The following GALNT13 variants were observed in gnomAD, a reference collection of about 807,000 sequenced individuals.
GALNT13 encodes the protein UDP-GalNAc:polypeptide N-acetylgalactosaminyltransferase 13.
A neutral mutation model predicts 64.2 loss-of-function variants in GALNT13; 28 were observed. The ratio of observed to expected loss-of-function variants is 0.44; its 90% confidence interval spans 0.32 to 0.60. The LOEUF is 0.60. Ranked by LOEUF, GALNT13 falls within the 20% of genes least tolerant of loss-of-function variation. The probability of loss-of-function intolerance (pLI) is 0.05; values close to 1 mark genes in which losing one functional copy is unlikely to be tolerated. For synonymous variants in GALNT13, 214 were observed against 224.6 expected, an observed-to-expected ratio of 0.95 and a Z score of 0.42; for missense variants, 577 against 669.8, an observed-to-expected ratio of 0.86 and a Z score of 1.53.
chr2:153,648,623 A>G, the GALNT13 span, among the ~76,000 whole-genome samples: 1 of 152,114 alleles, frequency 6.6e-6, no homozygotes, highest in African/African-American at 2.4e-5. Context: ...AGCTCTTATG[A>G]TTTTGAGATA....
the GALNT13 span, among the ~76,000 whole-genome samples, chr2:153,076,714 G>T: frequency 6.6e-6 from 1 of 151,560 alleles, no homozygotes. Context: ...ATTTTTTTGG[G>T]CTACTTCTCA....
the GALNT13 span, among the ~76,000 whole-genome samples, chr2:153,688,994 GTGTGTGTGTGTGT>G: frequency 2.1e-3 from 45 of 21,636 alleles, no homozygotes; most frequent in African/African-American, 5.6e-3. Context: ...AGGTAGGGGT[GTGTGTGTGTGTGT>G]GTGTGTGTGT....
chr2:153,863,520 G>C, the GALNT13 span, among the ~76,000 whole-genome samples: 5 of 152,070 alleles, frequency 3.3e-5, no homozygotes, highest in African/African-American at 1.2e-4. Context: ...GCATATAAGA[G>C]GGAGATATTT....
intron 3 of GALNT13, among the ~76,000 whole-genome samples, chr2:154,030,977 G>A (rs1239955787): frequency 6.6e-6 from 1 of 152,042 alleles, no homozygotes; most frequent in Non-Finnish European, 1.5e-5. Context: ...GAAGTGAAGG[G>A]CGCTGAAAAT....
chr2:153,576,338 T>C, the GALNT13 span, among the ~76,000 whole-genome samples: 1 of 152,148 alleles, frequency 6.6e-6, no homozygotes, highest in Non-Finnish European at 1.5e-5. Context: ...ACCTAAGAGC[T>C]ACAGTCCTTC....
the GALNT13 span, among the ~76,000 whole-genome samples, chr2:153,181,370 T>A: frequency 1.3e-5 from 2 of 150,514 alleles, no homozygotes; most frequent in Non-Finnish European, 3.0e-5. Flanking sequence ...AAAAAAAAGG[T>A]ACTTGATATA....
chr2:154,024,029 C>A (rs1574356642), intron 3 of GALNT13, among the ~76,000 whole-genome samples: 1 of 151,460 alleles, frequency 6.6e-6, no homozygotes, highest in Non-Finnish European at 1.5e-5. Context: ...GGTCCCCACT[C>A]TCTTCTGGCT....
the GALNT13 span, among the ~76,000 whole-genome samples, chr2:153,659,464 A>G: frequency 6.6e-6 from 1 of 152,158 alleles, no homozygotes. Context: ...TTGCCTATCT[A>G]AATTCTTCCT....
At chr2:153,608,926 T>TTC in the GALNT13 span, among the ~76,000 whole-genome samples, 1 of 147,592 alleles carries the variant, frequency 6.8e-6, no homozygotes, top group Non-Finnish European at 1.5e-5. Context: ...TCTTTTTTTT[T>TTC]TTTTTTTGGA....
the GALNT13 span, among the ~76,000 whole-genome samples, chr2:153,086,074 G>A: frequency 6.6e-6 from 1 of 152,150 alleles, no homozygotes; most frequent in Non-Finnish European, 1.5e-5. Flanking sequence ...CTTTCATGGG[G>A]TCTGTAGCCC....
chr2:154,163,035 G>A (rs1165648766), intron 4 of GALNT13, among the ~76,000 whole-genome samples: 2 of 150,832 alleles, frequency 1.3e-5, no homozygotes, highest in Non-Finnish European at 3.0e-5. Context: ...ACAATGTGCA[G>A]GTTAGTTACA....
chr2:154,184,513 A>T (rs571642230), intron 4 of GALNT13, among the ~76,000 whole-genome samples: 2 of 151,326 alleles, frequency 1.3e-5, no homozygotes, highest in Middle Eastern at 3.4e-3. Context: ...TTTCATAGTG[A>T]TATACTTTGT....
the GALNT13 span, among the ~76,000 whole-genome samples, chr2:153,572,115 C>G: frequency 9.9e-5 from 15 of 151,746 alleles, no homozygotes; most frequent in South Asian, 1.7e-3. Flanking sequence ...TCCCTTCGAT[C>G]TCATTACTAG....
At chr2:153,832,334 C>T in the GALNT13 span, among the ~76,000 whole-genome samples, 1 of 152,022 alleles carries the variant, frequency 6.6e-6, no homozygotes, top group African/African-American at 2.4e-5. Context: ...TCTGTGAAGG[C>T]ATAAAATAGA....
chr2:154,431,566 T>C (rs890688393), intron 11 of GALNT13, among the ~76,000 whole-genome samples: 2 of 152,232 alleles, frequency 1.3e-5, no homozygotes, highest in African/African-American at 4.8e-5. Context: ...TTGTAAAATG[T>C]CTTTGGACAT....
chr2:153,685,446 G>T, the GALNT13 span, among the ~76,000 whole-genome samples: 1 of 151,896 alleles, frequency 6.6e-6, no homozygotes, highest in South Asian at 2.1e-4. Context: ...TATGATTGTT[G>T]GCCACATGTA....
At chr2:154,312,071 T>G (rs1187578814) in intron 9 of GALNT13, among the ~76,000 whole-genome samples, 1 of 152,150 alleles carries the variant, frequency 6.6e-6, no homozygotes, top group African/African-American at 2.4e-5. Context: ...CCTTCTCGGC[T>G]GACAGGATTA....
intron 3 of GALNT13, among the ~76,000 whole-genome samples, chr2:153,972,326 G>T (rs1160703685): frequency 6.6e-6 from 1 of 151,968 alleles, no homozygotes; most frequent in African/African-American, 2.4e-5. Flanking sequence ...GTCCCAAATC[G>T]CAAAGTGATT....
chr2:154,191,969 T>A (rs1197619303), intron 4 of GALNT13, among the ~76,000 whole-genome samples: 1 of 152,138 alleles, frequency 6.6e-6, no homozygotes, highest in Non-Finnish European at 1.5e-5. Flanking sequence ...GGATCACATG[T>A]GGGCTTGGAG....
Sources: gnomAD v4.1 joint callset for allele counts (sites outside exome capture counted in the v4.1 genomes callset) on GRCh38, gnomAD v4.1.1 for gene constraint, MANE v1.5 for transcripts, NCBI Gene and HGNC (gene_info 2026-07-23, HGNC 2026-07-21) for gene names.